Variants in AAK1 observed in about 807,000 individuals in gnomAD.
AAK1 encodes AP2 associated kinase 1.
A neutral mutation model predicts 116.0 loss-of-function variants in AAK1; 37 were observed. The ratio of observed to expected loss-of-function variants is 0.32; its 90% CI spans 0.25 to 0.42. AAK1 has a LOEUF of 0.42. Among genes scored for constraint, AAK1 ranks in the 10% least tolerant of loss-of-function variants. The pLI, the probability that AAK1 is intolerant of heterozygous loss-of-function variation, is 1.00. For synonymous variants in AAK1, 458 were observed against 439.9 expected (o/e 1.04, Z -0.51); for missense variants, 919 against 1,170.6 (o/e 0.79, Z 3.14).
chr2:69,624,154 T>C (rs909971069), intron 2 of AAK1, among the ~76,000 whole-genome samples: 3 of 152,156 alleles, frequency 2.0e-5, no homozygotes, highest in Non-Finnish European at 2.9e-5. Context: ...GTTTAATTTT[T>C]ATGGAGGCCA....
At chr2:69,571,178 A>C (rs1366635888) in intron 2 of AAK1, among the ~76,000 whole-genome samples, 2 of 152,158 alleles carry the variant, frequency 1.3e-5, no homozygotes, top group African/African-American at 4.8e-5. Context: ...TAAAATAATG[A>C]TTAGAGATGT....
chr2:69,476,062 C>G (rs919463534), intron 21 of AAK1, 99 bp from the exon 22 acceptor site: 5 of 1,463,592 alleles, frequency 3.4e-6, no homozygotes, highest in Non-Finnish European at 4.5e-6. Flanking sequence ...AAACCAAAAC[C>G]AAAACAAAAA....
At chr2:69,488,094 G>A (rs529649520) in intron 17 of AAK1, among the ~76,000 whole-genome samples, 3 of 151,640 alleles carry the variant, frequency 2.0e-5, no homozygotes, top group Non-Finnish European at 2.9e-5. Flanking sequence ...TTAGTTTTTA[G>A]GCTTACTCTG....
chr2:69,606,573 C>T (rs958493159), intron 2 of AAK1, among the ~76,000 whole-genome samples: 3 of 152,192 alleles, frequency 2.0e-5, no homozygotes, highest in Admixed American at 1.3e-4. Context: ...AGACATACAT[C>T]GTCCTGCTGC....
chr2:69,523,990 C>T (rs1669904325), intron 10 of AAK1, among the ~76,000 whole-genome samples: 1 of 152,218 alleles, frequency 6.6e-6, no homozygotes, highest in Non-Finnish European at 1.5e-5. Flanking sequence ...TCCCTGTTTT[C>T]CCTCACATGG....
intron 2 of AAK1, among the ~76,000 whole-genome samples, chr2:69,573,095 T>A (rs999981767): frequency 6.6e-6 from 1 of 151,994 alleles, no homozygotes; most frequent in Non-Finnish European, 1.5e-5. Flanking sequence ...TATAAACTCA[T>A]CAACTAGATT....
intron 2 of AAK1, among the ~76,000 whole-genome samples, chr2:69,573,800 G>C (rs1572969988): frequency 6.6e-6 from 1 of 152,050 alleles, no homozygotes; most frequent in South Asian, 2.1e-4. Context: ...AGGAGTTCGA[G>C]ACCAGCCTGG....
At chr2:69,555,312 T>C (rs1465157863) in intron 3 of AAK1, among the ~76,000 whole-genome samples, 1 of 152,210 alleles carries the variant, frequency 6.6e-6, no homozygotes, top group Non-Finnish European at 1.5e-5. Context: ...GGGAGTTGGC[T>C]GGTTTGTTGT....
At chr2:69,610,673 G>T (rs1318992089) in intron 2 of AAK1, among the ~76,000 whole-genome samples, 1 of 152,108 alleles carries the variant, frequency 6.6e-6, no homozygotes, top group Non-Finnish European at 1.5e-5. Context: ...AGCCCTATTA[G>T]AAAAATGAAC....
chr2:69,541,036 G>A (rs541827949), intron 5 of AAK1, among the ~76,000 whole-genome samples: 1 of 152,224 alleles, frequency 6.6e-6, no homozygotes, highest in South Asian at 2.1e-4. Flanking sequence ...TATATGAAAT[G>A]TTCAGAACAT....
chr2:69,643,593 C>A lies in AAK1; in HGVS notation c.-253G>T. 1 of 1,228,662 alleles carries A rather than the reference C, an allele frequency of 8.1e-7. No homozygotes were observed. The highest frequency in any genetic ancestry group is 1.0e-6 in the Non-Finnish European group (1 of 986,168). 76.1% of individuals were successfully genotyped at this position (1,228,662 alleles called of 1,614,324 possible). A position where few individuals can be genotyped will look rare whatever the true frequency, so the allele number is the denominator to read the frequency against. ...CACCCACTTGAGACGGCTCGGCGGCCGGCGCCCTGCTACCAGCCCCGCGAC... is the reference window on the plus strand; with the variant it reads ...CACCCACTTGAGACGGCTCGGCGGCAGGCGCCCTGCTACCAGCCCCGCGAC... On this transcript the variant is annotated 5_prime_UTR_variant, in exon 1 of 22. Coordinates refer to ENST00000409085, the MANE Select transcript of AAK1 (RefSeq NM_014911.5).
At chr2:69,559,017 C>A (rs1224324001) in intron 2 of AAK1, among the ~76,000 whole-genome samples, 3 of 124,404 alleles carry the variant, frequency 2.4e-5, no homozygotes, top group African/African-American at 1.1e-4. Context: ...AAAATACACA[C>A]CTAATTTTGT....
At chr2:69,540,048 A>G (rs1425383797) in intron 5 of AAK1, among the ~76,000 whole-genome samples, 2 of 152,062 alleles carry the variant, frequency 1.3e-5, no homozygotes, top group African/African-American at 4.8e-5. Context: ...TCCCATCCCC[A>G]CAGAATTATG....
At chr2:69,634,054 C>T (rs1328133272) in intron 2 of AAK1, among the ~76,000 whole-genome samples, 1 of 152,160 alleles carries the variant, frequency 6.6e-6, no homozygotes, top group Non-Finnish European at 1.5e-5. Context: ...CCTATAGTTC[C>T]AGCTACTCGA....
At chr2:69,577,246 C>T (rs1020790390) in intron 2 of AAK1, among the ~76,000 whole-genome samples, 2 of 152,202 alleles carry the variant, frequency 1.3e-5, no homozygotes, top group Admixed American at 1.3e-4. Flanking sequence ...AGCCCACCTA[C>T]AAGAGGATCC....
At chr2:69,525,263 G>C (rs1350221253) in intron 9 of AAK1, among the ~76,000 whole-genome samples, 151 bp from the exon 10 acceptor site, 1 of 152,240 alleles carries the variant, frequency 6.6e-6, no homozygotes, top group Non-Finnish European at 1.5e-5. Flanking sequence ...CTGTCTGGTA[G>C]AGGGAAGGAA....
chr2:69,466,855 C>A lies in AAK1; in HGVS notation c.*9014G>T, dbSNP rs966734948. 4.1e-6 allele frequency: 4 copies of A among 985,248 alleles called. No homozygotes were observed. The highest frequency in any genetic ancestry group is 4.8e-6 in the Non-Finnish European group (4 of 829,940). The allele number at this position is 985,248 out of a possible 1,614,324, so 61.0% of individuals were successfully genotyped here. On this transcript the variant is annotated 3_prime_UTR_variant, in exon 22 of 22. Transcript: ENST00000409085. ...CTACACACAGGGCCAGGCACGGACA[C>A]CTGCTCTACCTGGCACTGGCTCATT... is the stretch of plus-strand genomic sequence containing the variant.
In AAK1 at chr2:69,509,336, C is replaced by A; in HGVS notation, c.1901G>T (p.Arg634Leu). The change falls in exon 14 of 22, where the codon CGT (arginine) becomes CTT (leucine). Residue 634 changes from arginine to leucine, a missense_variant. Coordinates refer to ENST00000409085, the MANE Select transcript of AAK1 (RefSeq NM_014911.5). ...ACTGTGGGTTACGTCACTGAGAATA[C>A]GCCTGTGCCCAGCACGTTGGGTTTT... ...SPKTQRAGHRRILSDVTHSAV... is the reference protein window; with the variant it reads ...SPKTQRAGHRLILSDVTHSAV... The A allele has an allele frequency of 6.2e-7, 1 of 1,613,916 alleles. No homozygotes were observed. Among genetic ancestry groups the A allele is most frequent in the Non-Finnish European group, 8.5e-7 (1 of 1,179,876 alleles).
At chr2:69,596,480 C>A (rs1673292384) in intron 2 of AAK1, among the ~76,000 whole-genome samples, 1 of 152,176 alleles carries the variant, frequency 6.6e-6, no homozygotes, top group African/African-American at 2.4e-5. Context: ...CCTTCACCTC[C>A]CAAAGTGCTG....
Sources: gnomAD v4.1 joint callset for allele counts (sites outside exome capture counted in the v4.1 genomes callset) on GRCh38, gnomAD v4.1.1 for gene constraint, MANE v1.5 for transcripts, NCBI Gene and HGNC (gene_info 2026-07-23, HGNC 2026-07-21) for gene names.